The following HMCN1 variants were observed in gnomAD, a reference collection of about 807,000 sequenced individuals.
HMCN1 encodes hemicentin 1.
HMCN1 carries 321 observed loss-of-function variants against 625.9 expected under a neutral mutation model. The observed-to-expected ratio is 0.51, with a 90% confidence interval of 0.47 to 0.56. The LOEUF (loss-of-function observed/expected upper bound fraction) is 0.56, where lower values mean the gene tolerates loss of function less well. HMCN1 is among the 20% of genes least tolerant of loss of function. The probability of loss-of-function intolerance (pLI) is 0.00; values close to 1 mark genes in which losing one functional copy is unlikely to be tolerated. For missense variants in HMCN1, 6,588 were observed against 6,887.3 expected (o/e 0.96, Z 1.54); for synonymous variants, 2,425 against 2,417.6 (o/e 1.00, Z -0.09).
At chr1:185,987,937 C>T (rs1472735876) in intron 20 of HMCN1, among the ~76,000 whole-genome samples, 1 of 151,620 alleles carries the variant, frequency 6.6e-6, no homozygotes, top group Non-Finnish European at 1.5e-5. Context: ...TAGACCTGCG[C>T]TGAAATTAAG....
Position 185,937,917 on chromosome 1 carries a change from A to ATAATAG in HMCN1, c.1828+4099_1828+4104dup, listed in dbSNP as rs1262237302. 2.0e-3 allele frequency among the ~76,000 whole-genome samples: 292 copies of ATAATAG among 146,542 alleles called. 5 individuals carry two copies. Among genetic ancestry groups the ATAATAG allele is most frequent in the Admixed American group, 0.016 (240 of 14,674 alleles). ...AATAATAATAATAATAATAATAATA[A>ATAATAG]TAATAGTAATAATAATAAGTGGAAT... On this transcript the variant is annotated intron_variant, in intron 11 of 106. Coordinates refer to ENST00000271588, the MANE Select transcript of HMCN1 (RefSeq NM_031935.3).
chr1:186,082,917 A>G lies in HMCN1; in HGVS notation c.8840A>G (p.Asn2947Ser), dbSNP rs756047363. ...GGCAGGTATGTGTGTGTTGCTGAGA[A>G]CACAGCTGGGAGTGCCAAAAAATAT... ...DIGRYVCVAE[N>S]TAGSAKKYFN... The change falls in exon 57 of 107, where the codon AAC becomes AGC. Residue 2947 changes from asparagine to serine, a missense_variant. Asn to Ser is a conservative substitution (Grantham distance 46). This residue lies in a region of HMCN1 where 4,628 missense variants were observed against 4,853.1 expected (regional missense o/e 0.95). Transcript: ENST00000271588. The G allele has an allele frequency of 1.3e-6, 2 of 1,597,246 alleles. No homozygotes were observed. The highest frequency in any genetic ancestry group is 2.3e-5 in the East Asian group (1 of 44,100).
intron 89 of HMCN1, among the ~76,000 whole-genome samples, chr1:186,143,549 T>C (rs1344885593): frequency 6.6e-6 from 1 of 152,234 alleles, no homozygotes; most frequent in Non-Finnish European, 1.5e-5. Flanking sequence ...CAGCTTTTTA[T>C]GTTGTTTAGG....
chr1:186,153,287 AAAC>A (rs1354927003), intron 96 of HMCN1, among the ~76,000 whole-genome samples: 1 of 152,216 alleles, frequency 6.6e-6, no homozygotes, highest in Non-Finnish European at 1.5e-5. Flanking sequence ...CAAAATTATG[AAAC>A]AACTATGTTA....
intron 1 of HMCN1, among the ~76,000 whole-genome samples, chr1:185,842,497 G>A (rs534476792): frequency 1.3e-5 from 2 of 151,220 alleles, no homozygotes; most frequent in South Asian, 2.1e-4. Flanking sequence ...TTGGGAGGTC[G>A]AGGCCGCAGT....
chr1:185,920,033 AATAGCTTACT>A (rs1478995012), intron 6 of HMCN1, among the ~76,000 whole-genome samples: 1 of 152,240 alleles, frequency 6.6e-6, no homozygotes, highest in Non-Finnish European at 1.5e-5. Context: ...AGGTGAAAAC[AATAGCTTACT>A]TTAATAGATA....
Position 186,119,805 on chromosome 1 carries a change from T to C in HMCN1, c.12017T>C (p.Leu4006Ser), listed in dbSNP as rs1661312232. The change falls in exon 79 of 107, where the codon TTA (leucine) becomes TCA (serine). Residue 4006 changes from leucine to serine, a missense_variant. By Grantham distance (145) the Leu-to-Ser change is moderately radical. This residue lies in a region of HMCN1 where 4,628 missense variants were observed against 4,853.1 expected (regional missense o/e 0.95). Coordinates refer to ENST00000271588, the MANE Select transcript of HMCN1 (RefSeq NM_031935.3). ...ELHVILNNPI[L>S]LPCEATGTPS... ...CACGTCATTCTGAACAATCCTATTT[T>C]ATTACCATGTGAAGCAACAGGGACA... The C allele has an allele frequency of 6.2e-7, 1 of 1,614,026 alleles. No homozygotes were observed. The highest frequency in any genetic ancestry group is 8.5e-7 in the Non-Finnish European group (1 of 1,179,980).
intron 104 of HMCN1, among the ~76,000 whole-genome samples, chr1:186,179,986 T>C (rs2102659977): frequency 6.6e-6 from 1 of 152,264 alleles, no homozygotes. Context: ...ATCTGCAGCT[T>C]AATATAAGGG....
At chr1:186,013,710 TAATAA>T (rs1405897795) in intron 30 of HMCN1, among the ~76,000 whole-genome samples, 9 of 152,010 alleles carry the variant, frequency 5.9e-5, no homozygotes, top group Admixed American at 1.3e-4. Context: ...CAAAATAAAA[TAATAA>T]AATAAAATAG....
chr1:185,987,615 T>C (rs1652089869), intron 20 of HMCN1, 71 bp downstream of exon 20: 3 of 1,043,622 alleles, frequency 2.9e-6, no homozygotes, highest in South Asian at 1.3e-5. Flanking sequence ...ATCCCTAGTC[T>C]TGAGCAGGAG....
chr1:185,952,546 C>T, intron 11 of HMCN1, among the ~76,000 whole-genome samples: 1 of 151,748 alleles, frequency 6.6e-6, no homozygotes, highest in Non-Finnish European at 1.5e-5. Flanking sequence ...GCACCTCAGA[C>T]CATTTGCCCA....
chr1:185,896,232 G>A (rs1016765821), intron 4 of HMCN1, among the ~76,000 whole-genome samples: 8 of 152,030 alleles, frequency 5.3e-5, no homozygotes, highest in East Asian at 3.9e-4. Context: ...CACCGCGCCC[G>A]GCCAGTCTCA....
At chr1:186,009,484 GA>G (rs376484977) in intron 30 of HMCN1, among the ~76,000 whole-genome samples, 120 of 147,446 alleles carry the variant, frequency 8.1e-4, no homozygotes, top group Middle Eastern at 7.1e-3. Context: ...TTCTTAAAAT[GA>G]AAAAAAAAAG....
intron 73 of HMCN1, 85 bp from the exon 74 acceptor site, chr1:186,114,734 C>A: frequency 6.8e-7 from 1 of 1,478,840 alleles, no homozygotes; most frequent in Non-Finnish European, 9.4e-7. Flanking sequence ...TGGATTTCAC[C>A]AAGTGTTTAA....
chr1:186,183,599 G>A (rs1037886900), intron 105 of HMCN1, among the ~76,000 whole-genome samples: 2 of 152,128 alleles, frequency 1.3e-5, no homozygotes, highest in Non-Finnish European at 2.9e-5. Context: ...TTAATCAGCA[G>A]TATAAATATG....
intron 1 of HMCN1, among the ~76,000 whole-genome samples, chr1:185,768,306 C>T (rs1297410616): frequency 6.6e-6 from 1 of 152,118 alleles, no homozygotes; most frequent in Non-Finnish European, 1.5e-5. Context: ...TTTTCCTCCT[C>T]TGTGTATTTC....
At chr1:186,089,089 C>A (rs531247347) in intron 63 of HMCN1, among the ~76,000 whole-genome samples, 36 of 151,986 alleles carry the variant, frequency 2.4e-4, no homozygotes, top group African/African-American at 8.0e-4. Context: ...GCCTATAGAT[C>A]TGTTCTTACT....
rs1449532446 is a variant in HMCN1 at position 186,083,069 on chromosome 1, G to A, written c.8884+108G>A. On this transcript the variant is annotated intron_variant, in intron 57 of 106. Transcript: ENST00000271588. ...TTGTATTTTTTAACTTAAACAATGT[G>A]AGGAGCCTATACTCATTCAATCCCC... 2.9e-5 allele frequency: 16 copies of A among 552,394 alleles called. 1 individual carries two copies. In the South Asian group the frequency reaches 4.7e-4, roughly 16 times the overall value. 34.2% of individuals were successfully genotyped at this position (552,394 alleles called of 1,614,324 possible). A position where few individuals can be genotyped will look rare whatever the true frequency, so the allele number is the denominator to read the frequency against.
intron 46 of HMCN1, 149 bp from the exon 47 acceptor site, chr1:186,061,702 G>A: frequency 4.2e-6 from 2 of 477,420 alleles, no homozygotes; most frequent in Non-Finnish European, 7.5e-6. Context: ...TTTAAAATGT[G>A]ATTTTTAAAA....
Sources: allele counts gnomAD v4.1 joint callset (sites outside exome capture counted in the v4.1 genomes callset), GRCh38; gene constraint gnomAD v4.1.1; regional missense constraint gnomAD v4.1.1; transcripts MANE v1.5; gene names NCBI Gene and HGNC (gene_info 2026-07-23, HGNC 2026-07-21).